Variants in TNS1 observed in about 807,000 individuals in gnomAD.
TNS1 encodes the protein tensin 1.
Under a neutral mutation model 168.6 loss-of-function variants are expected in TNS1, and 62 were observed. The ratio of observed to expected loss-of-function variants is 0.37; its 90% CI spans 0.30 to 0.45. The LOEUF (loss-of-function observed/expected upper bound fraction) is 0.45. TNS1 is among the 20% of genes least tolerant of loss of function. TNS1 has a pLI of 1.00. For synonymous variants in TNS1, 934 were observed against 933.2 expected, an observed-to-expected ratio of 1.00 and a Z score of -0.02; for missense variants, 2,240 against 2,339.4, an observed-to-expected ratio of 0.96 and a Z score of 0.88.
At chr2:217,943,189 G>C (rs1262022311) in intron 3 of TNS1, among the ~76,000 whole-genome samples, 1 of 152,190 alleles carries the variant, frequency 6.6e-6, no homozygotes, top group Non-Finnish European at 1.5e-5. Flanking sequence ...CTAGTGGTTG[G>C]AGAGGGCAGA....
At chr2:217,925,328 CT>C (rs1239373552) in intron 3 of TNS1, among the ~76,000 whole-genome samples, 1 of 152,176 alleles carries the variant, frequency 6.6e-6, no homozygotes, top group African/African-American at 2.4e-5. Flanking sequence ...AGCACTGCCC[CT>C]CTCACCTCCC....
intron 18 of TNS1, among the ~76,000 whole-genome samples, chr2:217,870,654 G>C (rs1443376617): frequency 6.6e-6 from 1 of 152,146 alleles, no homozygotes; most frequent in African/African-American, 2.4e-5. Context: ...CCAGAGCTCC[G>C]GCTGGCTCTG....
At chr2:217,888,354 G>A (rs1426863804) in intron 12 of TNS1, among the ~76,000 whole-genome samples, 4 of 152,148 alleles carry the variant, frequency 2.6e-5, no homozygotes, top group Non-Finnish European at 4.4e-5. Context: ...CAGGAGGGTG[G>A]CAATAAATGC....
intron 1 of TNS1, among the ~76,000 whole-genome samples, chr2:218,021,798 C>A (rs1958808475): frequency 6.6e-6 from 1 of 152,208 alleles, no homozygotes; most frequent in Non-Finnish European, 1.5e-5. Context: ...CCTGTCTCTG[C>A]CCCAGACTGC....
chr2:217,834,195 G>C (rs994576984), intron 21 of TNS1, among the ~76,000 whole-genome samples: 2 of 152,180 alleles, frequency 1.3e-5, no homozygotes, highest in African/African-American at 4.8e-5. Flanking sequence ...TGGCACAGGG[G>C]CCACGTACAT....
intron 3 of TNS1, among the ~76,000 whole-genome samples, chr2:217,953,514 C>T (rs886426697): frequency 6.6e-5 from 10 of 152,208 alleles, no homozygotes; most frequent in African/African-American, 2.4e-4. Context: ...ATTTTTCTTC[C>T]AAGTACTTGG....
In TNS1 at chr2:218,032,933, CT is replaced by C. The variant is rs1958909268; in HGVS notation, c.156+886del. Among the ~76,000 whole-genome samples the C allele has an allele frequency of 6.6e-6, 1 of 152,144 alleles. No individual in the cohort carries two copies. The highest frequency in any genetic ancestry group is 6.5e-5 in the Admixed American group (1 of 15,276). ...CACACCGGCACACACACCCTCCCCT[CT>C]TTCTCCCCTTGATCATCCACCTCCA... On this transcript the variant is annotated intron_variant, in intron 1 of 1. Transcript: ENST00000649572. The surrounding 1 kb of genome is among the most constrained non-coding windows in gnomAD (Gnocchi z 4.0).
chr2:218,005,035 C>T (rs1379672092), upstream of TNS1, among the ~76,000 whole-genome samples: 2 of 152,204 alleles, frequency 1.3e-5, no homozygotes, highest in East Asian at 3.9e-4. Flanking sequence ...GCCCCTGAGC[C>T]CCTCCTCAGC....
At chr2:217,844,761 C>T (rs1318443656) in intron 19 of TNS1, among the ~76,000 whole-genome samples, 3 of 152,172 alleles carry the variant, frequency 2.0e-5, no homozygotes, top group Non-Finnish European at 4.4e-5. Context: ...CTCTAGACTC[C>T]TTAAGGATAA....
At chr2:218,010,058 G>T in intron 1 of TNS1, 1 of 395,546 alleles carries the variant, frequency 2.5e-6, no homozygotes, top group Non-Finnish European at 4.4e-6. Flanking sequence ...GGAGGGGGCG[G>T]GGGGGGGTCG....
chr2:217,896,522 C>T (rs552571272), intron 8 of TNS1, among the ~76,000 whole-genome samples: 9 of 152,278 alleles, frequency 5.9e-5, no homozygotes, highest in South Asian at 4.2e-4. Flanking sequence ...GGAATCCCAC[C>T]GCAAGCTAGG....
Position 217,803,253 on chromosome 2 carries a change from G to A in TNS1, c.*1206C>T, listed in dbSNP as rs1402188044. 1.3e-5 allele frequency: 2 copies of A among 152,334 alleles called. No homozygotes were observed. The highest frequency in any genetic ancestry group is 2.9e-5 in the Non-Finnish European group (2 of 68,112). 9.4% of individuals were successfully genotyped at this position (152,334 alleles called of 1,614,324 possible). A position where few individuals can be genotyped will look rare whatever the true frequency, so the allele number is the denominator to read the frequency against. The stretch of plus-strand genomic sequence containing the variant: ...GAGCAGAAAGTAGGTTCCCCAGGGA[G>A]AATTCCAACACAGGGACCCTGCAGA... On this transcript the variant is annotated 3_prime_UTR_variant, in exon 33 of 33. Coordinates refer to ENST00000682258, the MANE Select transcript of TNS1 (RefSeq NM_001387777.1).
intron 24 of TNS1, among the ~76,000 whole-genome samples, chr2:217,817,409 A>G (rs1308132280): frequency 6.6e-6 from 1 of 152,240 alleles, no homozygotes; most frequent in Non-Finnish European, 1.5e-5. Context: ...GGTAATGGCT[A>G]TGAGGACGAT....
At chr2:217,858,982 CCCCTGCTCAACTCTCA>C (rs1948520458) in intron 18 of TNS1, among the ~76,000 whole-genome samples, 1 of 144,268 alleles carries the variant, frequency 6.9e-6, no homozygotes, top group African/African-American at 2.6e-5. Context: ...CCAGCCCCAG[CCCCTGCTCAACTCTCA>C]CCCAGCACAG....
intron 22 of TNS1, chr2:217,830,067 G>T: frequency 1.2e-6 from 1 of 850,796 alleles, no homozygotes; most frequent in Non-Finnish European, 1.4e-6. Context: ...GCCGATTTGC[G>T]CTGTCCACAG....
intron 1 of TNS1, among the ~76,000 whole-genome samples, chr2:218,001,622 A>C (rs888995858): frequency 1.3e-5 from 2 of 152,054 alleles, no homozygotes; most frequent in Non-Finnish European, 2.9e-5. Context: ...CCAGTAAACC[A>C]CAAATGCATC....
chr2:217,953,427 G>A (rs1957288458), intron 3 of TNS1, among the ~76,000 whole-genome samples: 2 of 152,220 alleles, frequency 1.3e-5, no homozygotes, highest in Admixed American at 6.5e-5. Context: ...ACAGCCAATC[G>A]GCCATTAACT....
At chr2:217,839,552 ACACACACACG>A (rs1945651977) in intron 19 of TNS1, among the ~76,000 whole-genome samples, 1 of 152,076 alleles carries the variant, frequency 6.6e-6, no homozygotes, top group African/African-American at 2.4e-5. Flanking sequence ...CCTTCATCTG[ACACACACACG>A]CACACACACT....
At position 217,895,032 on chromosome 2, in the gene TNS1, G is replaced by C; in HGVS notation, c.568C>G (p.Pro190Ala). 1 of 1,612,752 alleles carries C rather than the reference G, an allele frequency of 6.2e-7. No homozygotes were observed. Among genetic ancestry groups the C allele is most frequent in the Non-Finnish European group, 8.5e-7 (1 of 1,179,538 alleles). The change falls in exon 9 of 33, where the codon CCT becomes GCT. Residue 190 changes from proline (P) to alanine (A), a missense_variant. Physicochemically the swap from Pro to Ala is conservative, Grantham distance 27. Around this residue, in one of 2 missense-constraint regions of TNS1, gnomAD observed 2,131 missense variants for 2,171.2 expected, o/e 0.98. Coordinates refer to ENST00000682258, the MANE Select transcript of TNS1 (RefSeq NM_001387777.1). ...YLLFNLSERR[P>A]DITKLHAKVL... ...TTGGCATGGAGCTTCGTGATGTCAG[G>C]TCTCCGCTCAGAGAGGTTGAACAGC...
Sources: gnomAD v4.1 joint callset for allele counts (sites outside exome capture counted in the v4.1 genomes callset) on GRCh38, gnomAD v4.1.1 for gene constraint, gnomAD v4.1.1 regional missense constraint, Gnocchi (gnomAD v3.1) non-coding constraint, MANE v1.5 for transcripts, NCBI Gene and HGNC (gene_info 2026-07-23, HGNC 2026-07-21) for gene names.